Variants in MYO18A observed in about 807,000 individuals in gnomAD.
MYO18A encodes the protein unconventional myosin-XVIIIa.
Under a neutral mutation model 235.8 loss-of-function variants are expected in MYO18A, and 78 were observed. The ratio of observed to expected loss-of-function variants is 0.33; its 90% CI spans 0.28 to 0.40. The LOEUF (loss-of-function observed/expected upper bound fraction) is 0.40. Among genes scored for constraint, MYO18A ranks in the 10% least tolerant of loss-of-function variants. MYO18A has a pLI of 1.00. For synonymous variants in MYO18A, 977 were observed against 1,077.8 expected (o/e 0.91, Z 1.83); for missense variants, 2,215 against 2,699.3 (o/e 0.82, Z 3.98).
At chr17:29,113,035 C>T (rs1425450015) in intron 15 of MYO18A, among the ~76,000 whole-genome samples, 1 of 152,216 alleles carries the variant, frequency 6.6e-6, no homozygotes, top group Non-Finnish European at 1.5e-5. Context: ...CAAGCTCTTC[C>T]CACATGCTGT....
chr17:29,163,477 C>G (rs1288431072), intron 2 of MYO18A, among the ~76,000 whole-genome samples: 2 of 152,216 alleles, frequency 1.3e-5, no homozygotes, highest in Admixed American at 1.3e-4. Flanking sequence ...ACTGTGTCCT[C>G]TGGCAGATGA....
At chr17:29,114,880 T>C in intron 14 of MYO18A, 27 bp downstream of exon 14, 2 of 1,597,798 alleles carry the variant, frequency 1.3e-6, no homozygotes, top group Non-Finnish European at 1.7e-6. Context: ...AATCTGAGGC[T>C]AGATGAGGCC....
intron 2 of MYO18A, among the ~76,000 whole-genome samples, chr17:29,150,271 G>A (rs529738426): frequency 6.6e-6 from 1 of 152,382 alleles, no homozygotes; most frequent in East Asian, 1.9e-4. Flanking sequence ...ACAGGAAGAA[G>A]CAAAAGCCTC....
rs980034495 is a variant in MYO18A at position 29,117,433 on chromosome 17, C to T, written c.2038+612G>A. Among the ~76,000 whole-genome samples, 1 of 152,088 alleles carries T rather than the reference C, an allele frequency of 6.6e-6. No individual in the cohort carries two copies. The highest frequency in any genetic ancestry group is 6.5e-5 in the Admixed American group (1 of 15,280). ...GGGAGGCCCCAGGTAGCAAGCCCAC[C>T]CTACCCCACCCCACGGTGGGCATCC... is the stretch of plus-strand genomic sequence containing the variant. On this transcript the variant is annotated intron_variant, in intron 10 of 41. Coordinates refer to ENST00000527372, the MANE Select transcript of MYO18A (RefSeq NM_078471.4). The surrounding 1 kb of genome is among the most constrained non-coding windows in gnomAD (Gnocchi z 4.6).
rs189308674 is a variant in MYO18A, at chr17:29,122,206, C to T, written c.1047G>A (p.Thr349=). 1.4e-4 allele frequency: 218 copies of T among 1,613,544 alleles called. No individual in the cohort carries two copies. The highest frequency in any genetic ancestry group is 2.8e-4 in the Admixed American group (17 of 59,970). ...CCCTATGGACCAGCCACACCTTCTC[C>T]GTCTCATTCCAGGCCTCTTCTGCTG... The part of the protein sequence containing the change: ...QIAAEEAWNE[T]EKVWLVHRDG... The change falls in exon 3 of 42, where the codon ACG becomes ACA. Residue 349 remains threonine (T), a synonymous_variant. Transcript: ENST00000527372.
intron 2 of MYO18A, among the ~76,000 whole-genome samples, chr17:29,142,964 C>T (rs2067772757): frequency 1.3e-5 from 2 of 152,094 alleles, no homozygotes; most frequent in Non-Finnish European, 1.5e-5. Context: ...GGCGCCACCA[C>T]GCCCAGCTAA....
chr17:29,131,044 A>G (rs904114967), intron 2 of MYO18A, among the ~76,000 whole-genome samples: 1 of 152,196 alleles, frequency 6.6e-6, no homozygotes, highest in African/African-American at 2.4e-5. Context: ...TCCAGGCCCA[A>G]AGGGTTCAGG....
Position 29,096,879 on chromosome 17 carries a change from G to T in MYO18A, c.4267C>A (p.Arg1423=). 6.3e-7 allele frequency: 1 copy of T among 1,578,894 alleles called. No individual in the cohort carries two copies. ...DLQADSEESQ[R]ALQQLKKKCQ... is the part of the protein sequence containing the mutation. ...TTCTTCTTGAGCTGCTGCAGAGCCC[G>T]CTGACTCTCCTCACTATCTGCCTGC... Residue 1423 remains arginine (R), a synonymous_variant, in exon 28 of 42, where the codon CGG becomes AGG. Coordinates refer to ENST00000527372, the MANE Select transcript of MYO18A (RefSeq NM_078471.4).
rs931002587 is a variant in MYO18A at position 29,118,723 on chromosome 17, C to T, written c.1830-283G>A. On this transcript the variant is annotated intron_variant, in intron 8 of 41. Transcript: ENST00000527372. This position sits in a 1 kb window ranked among gnomAD's most constrained non-coding sequence, Gnocchi z 4.2. Reference sequence around the variant, plus strand: ...GGGAACCTGCCCGAAGGGTGAGTCCCGCCAAGGCAGAGACGATGCCCTCAG... The same window carrying T: ...GGGAACCTGCCCGAAGGGTGAGTCCTGCCAAGGCAGAGACGATGCCCTCAG... Among the ~76,000 whole-genome samples the T allele has an allele frequency of 3.9e-5, 6 of 152,262 alleles. No homozygotes were observed. Among genetic ancestry groups the T allele is most frequent in the Admixed American group, 2.6e-4 (4 of 15,290 alleles).
intron 41 of MYO18A, chr17:29,080,958 C>A (rs752604904): frequency 1.0e-5 from 10 of 985,486 alleles, no homozygotes; most frequent in Non-Finnish European, 1.2e-5. Flanking sequence ...AGCTCACCAC[C>A]GAGGACGGCC....
chr17:29,114,160 G>C, intron 14 of MYO18A, 63 bp from the exon 15 acceptor site: 1 of 1,312,166 alleles, frequency 7.6e-7, no homozygotes, highest in Non-Finnish European at 1.1e-6. Flanking sequence ...AGCCTTGTGA[G>C]TAGGCTGGGA....
intron 2 of MYO18A, among the ~76,000 whole-genome samples, chr17:29,132,731 T>A (rs1431092489): frequency 1.3e-5 from 2 of 152,146 alleles, no homozygotes; most frequent in African/African-American, 4.8e-5. Flanking sequence ...ACGGGCTCAA[T>A]CTTCATAGTT....
Position 29,071,439 on chromosome 17 carries a change from T to C in MYO18A, c.*3331A>G, listed in dbSNP as rs1333886165. ...TGGACTCCTCTGGGGCCAAGGGAAT[T>C]GTCTCCTTCTCAACTGAAACTTGGA... On this transcript the variant is annotated 3_prime_UTR_variant, in exon 42 of 42. Coordinates refer to ENST00000527372, the MANE Select transcript of MYO18A (RefSeq NM_078471.4). 1 of 152,190 alleles carries C rather than the reference T, an allele frequency of 6.6e-6. No individual in the cohort carries two copies. The highest frequency in any genetic ancestry group is 1.5e-5 in the Non-Finnish European group (1 of 68,032). 9.4% of individuals were successfully genotyped at this position (152,190 alleles called of 1,614,324 possible).
At chr17:29,115,307 C>A in intron 13 of MYO18A, 44 bp downstream of exon 13, 1 of 1,604,790 alleles carries the variant, frequency 6.2e-7, no homozygotes, top group Non-Finnish European at 8.5e-7. Flanking sequence ...TCTACTCCAC[C>A]TCTGCCAAAG....
chr17:29,101,483 T>C (rs1163867451), intron 21 of MYO18A, among the ~76,000 whole-genome samples: 3 of 151,998 alleles, frequency 2.0e-5, no homozygotes, highest in African/African-American at 7.3e-5. Context: ...TTTTTTTGTA[T>C]TTCAGTAGAG....
rs183113311 is a variant in MYO18A at position 29,116,528 on chromosome 17, C to T, written c.2039-73G>A. ...TTAGCAAACAGTCATCAATAGAGCT[C>T]GCCGCCTCGGAGGGACCGTGGGGCG... On this transcript the variant is annotated intron_variant, in intron 10 of 41. Coordinates refer to ENST00000527372, the MANE Select transcript of MYO18A (RefSeq NM_078471.4). 1.2e-4 allele frequency: 193 copies of T among 1,598,084 alleles called. 2 individuals carry two copies. In the East Asian group the frequency reaches 2.6e-3, roughly 21 times the overall value.
chr17:29,108,074 C>T (rs371831349), intron 19 of MYO18A, among the ~76,000 whole-genome samples: 5 of 151,980 alleles, frequency 3.3e-5, no homozygotes, highest in African/African-American at 1.2e-4. Flanking sequence ...CAGCGGCCCT[C>T]GCACTTATCT....
At chr17:29,100,207 C>G (rs2066619739) in intron 21 of MYO18A, among the ~76,000 whole-genome samples, 1 of 152,234 alleles carries the variant, frequency 6.6e-6, no homozygotes, top group African/African-American at 2.4e-5. Context: ...GCCCCTCTGA[C>G]TCCCAATTGC....
chr17:29,078,173 C>G (rs576671490), intron 41 of MYO18A: 1 of 152,220 alleles, frequency 6.6e-6, no homozygotes, highest in African/African-American at 2.4e-5. Flanking sequence ...TGCGCCACCA[C>G]GCCCAGCTAA....
Sources: gnomAD v4.1 joint callset for allele counts (sites outside exome capture counted in the v4.1 genomes callset) on GRCh38, gnomAD v4.1.1 for gene constraint, Gnocchi (gnomAD v3.1) non-coding constraint, MANE v1.5 for transcripts, NCBI Gene and HGNC (gene_info 2026-07-23, HGNC 2026-07-21) for gene names.